ANKRD30B: variants seen among roughly 807,000 people sequenced by gnomAD.
ANKRD30B encodes the protein ankyrin repeat domain 30B, also known as ankyrin repeat domain-containing protein 30B.
A neutral mutation model predicts 202.2 loss-of-function variants in ANKRD30B; 144 were observed. That is an observed-to-expected ratio of 0.71 (90% CI 0.62 to 0.82). ANKRD30B has a LOEUF of 0.82. Among genes scored for constraint, ANKRD30B ranks in the 40% least tolerant of loss-of-function variants. The probability of loss-of-function intolerance (pLI) is 0.00; values close to 1 mark genes in which losing one functional copy is unlikely to be tolerated. For synonymous variants in ANKRD30B, 508 were observed against 561.3 expected (o/e 0.91, Z 1.34); for missense variants, 1,487 against 1,669.1 (o/e 0.89, Z 1.90).
the ANKRD30B span, among the ~76,000 whole-genome samples, chr18:14,860,734 T>C: frequency 2.0e-5 from 3 of 151,882 alleles, no homozygotes; most frequent in Non-Finnish European, 1.5e-5. Context: ...AGACAGAGTC[T>C]CACTTTGCCA....
chr18:14,924,162 A>G, the ANKRD30B span, among the ~76,000 whole-genome samples: 2 of 152,176 alleles, frequency 1.3e-5, no homozygotes, highest in African/African-American at 4.8e-5. Flanking sequence ...AAAAGAAACC[A>G]TCCTTCTCAC....
At chr18:14,874,363 G>T in the ANKRD30B span, among the ~76,000 whole-genome samples, 2 of 152,118 alleles carry the variant, frequency 1.3e-5, no homozygotes, top group African/African-American at 4.8e-5. Flanking sequence ...TTTGCTTGTG[G>T]TTGGCTGTGA....
chr18:14,929,743 G>A, the ANKRD30B span, among the ~76,000 whole-genome samples: 1 of 152,122 alleles, frequency 6.6e-6, no homozygotes, highest in Non-Finnish European at 1.5e-5. Flanking sequence ...TTCACCATTT[G>A]GGGATTGGTG....
At chr18:14,850,513 T>C (rs1971839308) in intron 41 of ANKRD30B, 131 bp downstream of exon 41, 6 of 972,848 alleles carry the variant, frequency 6.2e-6, no homozygotes, top group Middle Eastern at 3.1e-4. Flanking sequence ...AAATTAACTA[T>C]GACTTTTGTA....
chr18:14,789,071 T>C (rs1039717508), intron 15 of ANKRD30B, among the ~76,000 whole-genome samples: 1 of 151,946 alleles, frequency 6.6e-6, no homozygotes, highest in Admixed American at 6.6e-5. Flanking sequence ...TTCCTGACTT[T>C]TTAATGATTG....
chr18:14,834,337 A>C (rs936944899), intron 34 of ANKRD30B, among the ~76,000 whole-genome samples: 4 of 152,086 alleles, frequency 2.6e-5, no homozygotes, highest in Admixed American at 2.6e-4. Context: ...GGATACCAAC[A>C]TATTTGTATA....
At position 14,763,788 on chromosome 18, in the gene ANKRD30B, G is replaced by A. The variant is rs769489567; in HGVS notation, c.923G>A (p.Arg308His). The A allele has an allele frequency of 5.6e-6, 9 of 1,613,960 alleles. No homozygotes were observed. Among genetic ancestry groups the A allele is most frequent in the South Asian group, 4.4e-5 (4 of 91,020 alleles). Residue 308 changes from arginine to histidine, a missense_variant, in exon 7 of 44, where the codon CGC becomes CAC. This residue lies in a region of ANKRD30B where 889 missense variants were observed against 841.4 expected (regional missense o/e 1.06). Transcript: ENST00000690538. ...LLEKTPDEAA[R>H]LVEGTSAKIQ... The stretch of plus-strand genomic sequence containing the variant: ...GAAAAAACACCTGACGAGGCTGCAC[G>A]CTTGGTGGAGGGAACGTCTGCCAAA...
chr18:14,759,046 G>C (rs1914844535), intron 5 of ANKRD30B: 1 of 151,974 alleles, frequency 6.6e-6, no homozygotes, highest in Admixed American at 6.6e-5. Context: ...TCTTTACCTC[G>C]AGTTTTTAAA....
intron 22 of ANKRD30B, 69 bp downstream of exon 22, chr18:14,799,364 T>A: frequency 7.5e-7 from 1 of 1,335,426 alleles, no homozygotes. Flanking sequence ...CTGAGCACCT[T>A]TTTATTCCCA....
chr18:14,753,078 A>G, intron 3 of ANKRD30B, 66 bp downstream of exon 3: 1 of 1,295,720 alleles, frequency 7.7e-7, no homozygotes, highest in Non-Finnish European at 1.0e-6. Flanking sequence ...TAACATATGT[A>G]AGGCTTTTAT....
rs1765299599 is a variant in ANKRD30B at position 14,854,244 on chromosome 18, TAAAC to T, written c.*89_*92del. The stretch of plus-strand genomic sequence containing the variant: ...TTTGCTTCTTTTTCCATTTTAAAGT[TAAAC>T]AAGAAGAAAAGGTAAAATGAAAAGA... On this transcript the variant is annotated 3_prime_UTR_variant, in exon 44 of 44. Coordinates refer to ENST00000690538, the MANE Select transcript of ANKRD30B (RefSeq NM_001367607.2). Among the ~76,000 whole-genome samples the T allele has an allele frequency of 2.0e-5, 3 of 152,178 alleles. No individual in the cohort carries two copies. The highest frequency in any genetic ancestry group is 1.3e-4 in the Admixed American group (2 of 15,278).
the ANKRD30B span, among the ~76,000 whole-genome samples, chr18:14,891,279 C>G: frequency 6.7e-6 from 1 of 150,140 alleles, no homozygotes; most frequent in Non-Finnish European, 1.5e-5. Flanking sequence ...ATTTTTGCTA[C>G]CTGGATAATA....
intron 1 of ANKRD30B, among the ~76,000 whole-genome samples, chr18:14,750,008 AC>A (rs1325270001): frequency 6.6e-6 from 1 of 152,118 alleles, no homozygotes; most frequent in African/African-American, 2.4e-5. Flanking sequence ...ACCAGAAAAA[AC>A]ATAAATGCCT....
chr18:14,856,419 G>C (rs575667924), downstream of ANKRD30B, among the ~76,000 whole-genome samples: 2 of 143,362 alleles, frequency 1.4e-5, no homozygotes, highest in South Asian at 2.2e-4. Flanking sequence ...CTTCCCAGAG[G>C]GGGTGGCCGG....
downstream of ANKRD30B, among the ~76,000 whole-genome samples, chr18:14,855,172 A>G (rs1231024599): frequency 1.3e-5 from 2 of 152,188 alleles, no homozygotes; most frequent in Non-Finnish European, 2.9e-5. Flanking sequence ...CCCTTAATCC[A>G]TTTAACCCTG....
intron 30 of ANKRD30B, among the ~76,000 whole-genome samples, chr18:14,820,135 G>T (rs1459824007): frequency 2.0e-5 from 3 of 152,066 alleles, no homozygotes; most frequent in African/African-American, 7.2e-5. Context: ...TTGTGAATGG[G>T]AGTTCACTCA....
At chr18:14,900,220 T>G in the ANKRD30B span, among the ~76,000 whole-genome samples, 6 of 152,180 alleles carry the variant, frequency 3.9e-5, no homozygotes, top group Non-Finnish European at 8.8e-5. Context: ...TGGCATGGAA[T>G]AAATCACAAA....
At chr18:14,906,353 T>A in the ANKRD30B span, among the ~76,000 whole-genome samples, 3 of 152,180 alleles carry the variant, frequency 2.0e-5, no homozygotes, top group Admixed American at 2.0e-4. Context: ...AATAAAAATC[T>A]ATCTCCCATG....
At chr18:14,934,622 G>C in the ANKRD30B span, among the ~76,000 whole-genome samples, 1 of 152,174 alleles carries the variant, frequency 6.6e-6, no homozygotes, top group Non-Finnish European at 1.5e-5. Context: ...GAGAGGCTGT[G>C]GTGGAGTTGG....
Sources: allele counts gnomAD v4.1 joint callset (sites outside exome capture counted in the v4.1 genomes callset), GRCh38; gene constraint gnomAD v4.1.1; regional missense constraint gnomAD v4.1.1; transcripts MANE v1.5; gene names NCBI Gene and HGNC (gene_info 2026-07-23, HGNC 2026-07-21).